The following SYN3 variants were observed in gnomAD, a reference collection of about 807,000 sequenced individuals.
The protein encoded by SYN3 is synapsin-3.
SYN3 carries 35 observed loss-of-function variants against 65.8 expected under a neutral mutation model. The ratio of observed to expected loss-of-function variants is 0.53; its 90% CI spans 0.41 to 0.70. The LOEUF is 0.70. SYN3 is among the 30% of genes least tolerant of loss of function. The pLI is 0.00. For missense variants in SYN3, 680 were observed against 749.0 expected (o/e 0.91, Z 1.08); for synonymous variants, 270 against 292.9 (o/e 0.92, Z 0.80).
chr22:32,914,181 T>C (rs1165215423), intron 4 of SYN3, among the ~76,000 whole-genome samples: 1 of 152,310 alleles, frequency 6.6e-6, no homozygotes, highest in East Asian at 1.9e-4. Context: ...GATACAAACC[T>C]GAGCTAACAG....
At chr22:32,683,212 C>T (rs1489802140) in intron 6 of SYN3, among the ~76,000 whole-genome samples, 1 of 152,082 alleles carries the variant, frequency 6.6e-6, no homozygotes, top group Non-Finnish European at 1.5e-5. Flanking sequence ...ATGGTGTGGT[C>T]CTGCTCTTTC....
At chr22:32,756,460 T>C (rs2045295422) in intron 6 of SYN3, among the ~76,000 whole-genome samples, 1 of 152,232 alleles carries the variant, frequency 6.6e-6, no homozygotes, top group Non-Finnish European at 1.5e-5. Flanking sequence ...GACAGTCTGA[T>C]GCTTGCACCT....
At chr22:32,952,534 T>C (rs1205101488) in intron 3 of SYN3, among the ~76,000 whole-genome samples, 2 of 152,054 alleles carry the variant, frequency 1.3e-5, no homozygotes, top group Non-Finnish European at 2.9e-5. Flanking sequence ...GCAGGAGGAT[T>C]GCTTGAGCCC....
chr22:32,680,120 G>A (rs907575957), intron 6 of SYN3, among the ~76,000 whole-genome samples: 2 of 151,976 alleles, frequency 1.3e-5, no homozygotes, highest in African/African-American at 4.8e-5. Flanking sequence ...AATAATTATT[G>A]ATTTCTACTT....
chr22:32,927,076 C>T (rs535290355), intron 4 of SYN3, among the ~76,000 whole-genome samples: 2 of 152,038 alleles, frequency 1.3e-5, no homozygotes, highest in Non-Finnish European at 2.9e-5. Flanking sequence ...AGGCTCAAGG[C>T]AATGGCTATT....
chr22:32,876,338 A>C (rs1462551135), intron 4 of SYN3, among the ~76,000 whole-genome samples: 1 of 152,160 alleles, frequency 6.6e-6, no homozygotes, highest in East Asian at 1.9e-4. Context: ...TTAGGATTCA[A>C]CATAAATTTT....
intron 4 of SYN3, among the ~76,000 whole-genome samples, chr22:32,903,979 T>C (rs1208047122): frequency 6.6e-6 from 1 of 152,100 alleles, no homozygotes; most frequent in Non-Finnish European, 1.5e-5. Flanking sequence ...GGTGGTGAAA[T>C]TAATAATAAT....
chr22:33,007,504 G>A (rs1460361815), intron 1 of SYN3, among the ~76,000 whole-genome samples: 1 of 152,252 alleles, frequency 6.6e-6, no homozygotes, highest in African/African-American at 2.4e-5. Flanking sequence ...CTTCGGAAAT[G>A]AGCCCTTTGG....
chr22:32,600,269 C>T (rs1403595587), intron 6 of SYN3, among the ~76,000 whole-genome samples: 4 of 152,130 alleles, frequency 2.6e-5, no homozygotes, highest in African/African-American at 9.7e-5. Flanking sequence ...CTACATTCCT[C>T]GAATGCGCAA....
At chr22:32,794,493 T>C (rs965466938) in intron 6 of SYN3, among the ~76,000 whole-genome samples, 1 of 152,190 alleles carries the variant, frequency 6.6e-6, no homozygotes, top group Non-Finnish European at 1.5e-5. Context: ...TTGGGGTGAA[T>C]GTGTGACGGT....
Position 32,510,984 on chromosome 22 carries a change from C to CGTGTGTGTGTGTGTGTGTGTGTGT in SYN3, c.*2684_*2707dup, listed in dbSNP as rs111308299. On this transcript the variant is annotated 3_prime_UTR_variant, in exon 14 of 14. Coordinates refer to ENST00000358763, the MANE Select transcript of SYN3 (RefSeq NM_003490.4). ...TGTCAATTCCAAGTTATTGTCCAGG[C>CGTGTGTGTGTGTGTGTGTGTGTGT]GTGTGTGTGTGTGTGTGTGTGTGTG... 3.5e-5 allele frequency among the ~76,000 whole-genome samples: 5 copies of CGTGTGTGTGTGTGTGTGTGTGTGT among 143,030 alleles called. No homozygotes were observed. The highest frequency in any genetic ancestry group is 1.3e-4 in the African/African-American group (5 of 39,384). 93.8% of individuals were successfully genotyped at this position (143,030 alleles called of 152,430 possible).
chr22:32,700,839 T>C (rs1342297446), intron 6 of SYN3, among the ~76,000 whole-genome samples: 1 of 152,204 alleles, frequency 6.6e-6, no homozygotes, highest in Non-Finnish European at 1.5e-5. Flanking sequence ...GTCTCATAGG[T>C]AACGCATCTT....
intron 6 of SYN3, among the ~76,000 whole-genome samples, chr22:32,687,655 C>T (rs370116071): frequency 2.0e-5 from 3 of 152,104 alleles, no homozygotes; most frequent in African/African-American, 4.8e-5. Context: ...GCTCCACTCC[C>T]GCCTCCCTCT....
chr22:32,631,932 G>T lies in SYN3; in HGVS notation c.712-35196C>A, dbSNP rs151177465. ...TGTCACCAAAGGCAGGGAACAAATA[G>T]TCTATGAGGTGAGGAATTTGCCTTT... On this transcript the variant is annotated intron_variant, in intron 6 of 13. Coordinates refer to ENST00000358763, the MANE Select transcript of SYN3 (RefSeq NM_003490.4). 8.7e-3 allele frequency among the ~76,000 whole-genome samples: 1,325 copies of T among 152,306 alleles called. 15 individuals carry two copies. The highest frequency in any genetic ancestry group is 0.031 in the African/African-American group (1,282 of 41,562).
At chr22:32,857,527 C>G (rs1244252831) in intron 6 of SYN3, among the ~76,000 whole-genome samples, 1 of 152,188 alleles carries the variant, frequency 6.6e-6, no homozygotes, top group Admixed American at 6.5e-5. Flanking sequence ...GCTTGAGGCT[C>G]CTACACTTAG....
At chr22:32,541,419 G>T in intron 8 of SYN3, 152 bp downstream of exon 8, 1 of 963,544 alleles carries the variant, frequency 1.0e-6, no homozygotes, top group Non-Finnish European at 1.5e-6. Context: ...CTGGACATCA[G>T]CCCCTCAGCC....
At chr22:32,627,820 G>GTTTGCT (rs1368735433) in intron 6 of SYN3, among the ~76,000 whole-genome samples, 1 of 149,742 alleles carries the variant, frequency 6.7e-6, no homozygotes, top group Non-Finnish European at 1.5e-5. Flanking sequence ...CATTTTTTTT[G>GTTTGCT]TTTGTTTTTG....
chr22:32,643,819 C>T lies in SYN3; in HGVS notation c.712-47083G>A, dbSNP rs1035161406. Among the ~76,000 whole-genome samples, 4 of 151,568 alleles carry T rather than the reference C, an allele frequency of 2.6e-5. No individual in the cohort carries two copies. The East Asian group carries it at 5.8e-4, about 22-fold the overall frequency. On this transcript the variant is annotated intron_variant, in intron 6 of 13. Transcript: ENST00000358763. ...AAAGAAAGAGACAAGGGGCCGGGCGCGGTGGCTCACACCTGTAATCCCAAC... is the reference window on the plus strand; with the variant it reads ...AAAGAAAGAGACAAGGGGCCGGGCGTGGTGGCTCACACCTGTAATCCCAAC...
rs555457538 is a variant in SYN3, at chr22:32,801,278, GCA to G, written c.711+63635_711+63636del. Among the ~76,000 whole-genome samples the G allele has an allele frequency of 2.2e-4, 33 of 152,352 alleles. No individual in the cohort carries two copies. The highest frequency in any genetic ancestry group is 7.7e-4 in the African/African-American group (32 of 41,598). On this transcript the variant is annotated intron_variant, in intron 6 of 13. Transcript: ENST00000358763. This position sits in a 1 kb window ranked among gnomAD's most constrained non-coding sequence, Gnocchi z 4.7. ...AGCATTCCCCCGCTGGTTCCACCAA[GCA>G]CAGTCAAGGTCTCTAGGACATGGCC... is the stretch of plus-strand genomic sequence containing the variant.
Sources: allele counts gnomAD v4.1 joint callset (sites outside exome capture counted in the v4.1 genomes callset), GRCh38; gene constraint gnomAD v4.1.1; non-coding constraint Gnocchi (gnomAD v3.1); transcripts MANE v1.5; gene names NCBI Gene and HGNC (gene_info 2026-07-23, HGNC 2026-07-21).